Variants in ITFG1 observed in about 807,000 individuals in gnomAD.
The protein encoded by ITFG1 is T-cell immunomodulatory protein.
ITFG1 carries 34 observed loss-of-function variants against 81.8 expected under a neutral mutation model. The observed-to-expected ratio is 0.42, with a 90% CI of 0.32 to 0.55. The LOEUF (loss-of-function observed/expected upper bound fraction) is 0.55, where lower values mean the gene tolerates loss of function less well. Among genes scored for constraint, ITFG1 ranks in the 20% least tolerant of loss-of-function variants. The probability of loss-of-function intolerance (pLI) is 0.17; values close to 1 mark genes in which losing one functional copy is unlikely to be tolerated. For synonymous variants in ITFG1, 285 were observed against 270.6 expected (o/e 1.05, Z -0.52); for missense variants, 672 against 755.4 (o/e 0.89, Z 1.29).
chr16:47,186,689 G>A (rs976893438), intron 14 of ITFG1, among the ~76,000 whole-genome samples: 2 of 152,188 alleles, frequency 1.3e-5, no homozygotes, highest in African/African-American at 4.8e-5. Flanking sequence ...CATTCCCTTT[G>A]AAAACAGGCA....
At chr16:47,163,351 AG>A (rs1048110053) in intron 14 of ITFG1, among the ~76,000 whole-genome samples, 3 of 152,194 alleles carry the variant, frequency 2.0e-5, no homozygotes, top group African/African-American at 7.2e-5. Context: ...CTGACTCAAT[AG>A]ATTTGCCTAT....
At chr16:47,412,205 T>C (rs907620897) in intron 6 of ITFG1, among the ~76,000 whole-genome samples, 1 of 151,910 alleles carries the variant, frequency 6.6e-6, no homozygotes, top group African/African-American at 2.4e-5. Context: ...TCAGTCAGAG[T>C]GTCTCCTTAC....
intron 2 of ITFG1, among the ~76,000 whole-genome samples, chr16:47,457,999 T>G (rs1368642172): frequency 6.6e-6 from 1 of 152,250 alleles, no homozygotes; most frequent in Non-Finnish European, 1.5e-5. Flanking sequence ...CTCAAAATAC[T>G]GTAGAGTCTG....
intron 7 of ITFG1, 54 bp downstream of exon 7, chr16:47,375,822 G>C: frequency 9.7e-7 from 1 of 1,028,730 alleles, no homozygotes; most frequent in Non-Finnish European, 1.5e-6. Context: ...CTAAAATTGT[G>C]TGCTTTTACT....
At chr16:47,293,942 G>A (rs1301928437) in intron 10 of ITFG1, among the ~76,000 whole-genome samples, 5 of 151,880 alleles carry the variant, frequency 3.3e-5, no homozygotes, top group Non-Finnish European at 7.4e-5. Flanking sequence ...TTAGCTGCCT[G>A]GTGGCCAGAA....
intron 10 of ITFG1, among the ~76,000 whole-genome samples, chr16:47,264,586 A>G (rs1423285795): frequency 6.6e-6 from 1 of 151,774 alleles, no homozygotes; most frequent in Non-Finnish European, 1.5e-5. Flanking sequence ...ACACACACAC[A>G]CACACAGAGA....
At chr16:47,171,519 C>T (rs1432229642) in intron 14 of ITFG1, among the ~76,000 whole-genome samples, 1 of 151,794 alleles carries the variant, frequency 6.6e-6, no homozygotes, top group Non-Finnish European at 1.5e-5. Flanking sequence ...GATTATTTTT[C>T]TCTATTTCAT....
chr16:47,321,467 A>C (rs902181031), intron 8 of ITFG1, among the ~76,000 whole-genome samples: 1 of 152,236 alleles, frequency 6.6e-6, no homozygotes, highest in Non-Finnish European at 1.5e-5. Flanking sequence ...TTTACTTTTG[A>C]AAACAGTGAA....
rs181145710 is a variant in ITFG1 at position 47,411,116 on chromosome 16, G to C, written c.655+17688C>G. 2.8e-4 allele frequency among the ~76,000 whole-genome samples: 43 copies of C among 152,326 alleles called. No individual in the cohort carries two copies. The East Asian group carries it at 7.9e-3, about 28-fold the overall frequency. On this transcript the variant is annotated intron_variant, in intron 6 of 17. Transcript: ENST00000320640. ...AGCTGCAGGTTCAGGCCCCAGGTGAGAGCACACAGCTCAGGAGTGCCAAAC... is the reference window on the plus strand; with the variant it reads ...AGCTGCAGGTTCAGGCCCCAGGTGACAGCACACAGCTCAGGAGTGCCAAAC...
chr16:47,443,095 AC>A (rs1373121778), intron 5 of ITFG1, among the ~76,000 whole-genome samples: 1 of 152,242 alleles, frequency 6.6e-6, no homozygotes, highest in East Asian at 1.9e-4. Context: ...AAGGGCATGA[AC>A]AGACACTTCT....
intron 16 of ITFG1, among the ~76,000 whole-genome samples, chr16:47,159,442 A>C (rs1362455369): frequency 6.6e-6 from 1 of 152,174 alleles, no homozygotes; most frequent in Non-Finnish European, 1.5e-5. Flanking sequence ...TCACATATAT[A>C]ATGTGACCAA....
intron 6 of ITFG1, among the ~76,000 whole-genome samples, chr16:47,388,590 A>G (rs1245858953): frequency 1.3e-5 from 2 of 152,188 alleles, no homozygotes; most frequent in African/African-American, 4.8e-5. Context: ...GTCAACCAAA[A>G]GTCCTACATT....
At chr16:47,322,310 T>TG (rs1967460136) in intron 8 of ITFG1, among the ~76,000 whole-genome samples, 2 of 152,176 alleles carry the variant, frequency 1.3e-5, no homozygotes, top group Non-Finnish European at 2.9e-5. Context: ...TAAATTAGCT[T>TG]TAATATAAGT....
intron 5 of ITFG1, among the ~76,000 whole-genome samples, chr16:47,436,360 C>T (rs1596983165): frequency 1.3e-5 from 2 of 152,134 alleles, no homozygotes; most frequent in East Asian, 3.9e-4. Context: ...TGGATCTCAG[C>T]GTTTAAAAAA....
intron 6 of ITFG1, among the ~76,000 whole-genome samples, chr16:47,413,022 C>T (rs1430406506): frequency 6.6e-6 from 1 of 151,990 alleles, no homozygotes; most frequent in Non-Finnish European, 1.5e-5. Context: ...TCAGATAATT[C>T]CTGTGAGATA....
At chr16:47,347,889 T>C (rs558046160) in intron 8 of ITFG1, among the ~76,000 whole-genome samples, 9 of 152,260 alleles carry the variant, frequency 5.9e-5, no homozygotes, top group Middle Eastern at 3.4e-3. Context: ...TGATCAGCAA[T>C]ATTCGCTGTT....
chr16:47,434,642 G>A (rs1386731045), intron 5 of ITFG1, among the ~76,000 whole-genome samples: 1 of 152,156 alleles, frequency 6.6e-6, no homozygotes, highest in Non-Finnish European at 1.5e-5. Context: ...ACAGTGTGGT[G>A]ATTCCTCAAA....
intron 8 of ITFG1, among the ~76,000 whole-genome samples, chr16:47,338,227 T>C (rs989522578): frequency 1.3e-5 from 2 of 152,088 alleles, no homozygotes; most frequent in Non-Finnish European, 2.9e-5. Context: ...CTGGCCAACA[T>C]GGTGAAACCC....
At chr16:47,186,654 A>G (rs1965222071) in intron 14 of ITFG1, among the ~76,000 whole-genome samples, 1 of 152,248 alleles carries the variant, frequency 6.6e-6, no homozygotes, top group African/African-American at 2.4e-5. Context: ...AGCCAATATC[A>G]TACTGAATGG....
Sources: gnomAD v4.1 joint callset for allele counts (sites outside exome capture counted in the v4.1 genomes callset) on GRCh38, gnomAD v4.1.1 for gene constraint, MANE v1.5 for transcripts, NCBI Gene and HGNC (gene_info 2026-07-23, HGNC 2026-07-21) for gene names.